Variants in CCDC7 observed in about 807,000 individuals in gnomAD.
The protein encoded by CCDC7 is coiled-coil domain containing 7.
Under a neutral mutation model 196.9 loss-of-function variants are expected in CCDC7, and 183 were observed. The ratio of observed to expected loss-of-function variants is 0.93; its 90% CI spans 0.82 to 1.05. CCDC7 has a LOEUF of 1.05. CCDC7 is among the 50% of genes least tolerant of loss of function. CCDC7 has a pLI of 0.00. For missense variants in CCDC7, 1,540 were observed against 1,482.2 expected (o/e 1.04, Z -0.64); for synonymous variants, 525 against 484.6 (o/e 1.08, Z -1.10).
intron 11 of CCDC7, among the ~76,000 whole-genome samples, chr10:32,538,559 G>T (rs1426909113): frequency 1.3e-5 from 2 of 152,124 alleles, no homozygotes; most frequent in African/African-American, 4.8e-5. Flanking sequence ...TTTGTCTTGT[G>T]CTGGTTTTCA....
intron 25 of CCDC7, among the ~76,000 whole-genome samples, chr10:32,724,561 G>T (rs1355837023): frequency 6.6e-6 from 1 of 152,016 alleles, no homozygotes; most frequent in Non-Finnish European, 1.5e-5. Context: ...ATTTAAAAAT[G>T]GGGGGATCAT....
chr10:32,518,488 A>G, exon 11 of CCDC7: 1 of 1,607,772 alleles, frequency 6.2e-7, no homozygotes, highest in Non-Finnish European at 8.5e-7. Context: ...TGAACTACAA[A>G]AGTTGAAGGA....
intron 20 of CCDC7, among the ~76,000 whole-genome samples, chr10:32,658,537 C>T (rs2140314203): frequency 6.6e-6 from 1 of 152,262 alleles, no homozygotes; most frequent in African/African-American, 2.4e-5. Flanking sequence ...CTGGGTCCCT[C>T]CCATGACACA....
chr10:32,584,205 T>A, intron 17 of CCDC7, 27 bp from the exon 19 acceptor site: 1 of 1,346,280 alleles, frequency 7.4e-7, no homozygotes, highest in East Asian at 2.4e-5. Context: ...TAATTTCTAA[T>A]TACTTATTAC....
At chr10:32,475,726 C>A (rs901692582) in intron 8 of CCDC7, among the ~76,000 whole-genome samples, 2 of 151,998 alleles carry the variant, frequency 1.3e-5, no homozygotes, top group Non-Finnish European at 2.9e-5. Context: ...TTAAAAGTAC[C>A]TCCTGTCTTC....
chr10:32,817,004 G>A (rs190246198), intron 31 of CCDC7, among the ~76,000 whole-genome samples: 3 of 152,332 alleles, frequency 2.0e-5, no homozygotes, highest in African/African-American at 7.2e-5. Flanking sequence ...TTGATGAGTT[G>A]AGAGAAGAAG....
intron 13 of CCDC7, 91 bp from the exon 15 acceptor site, chr10:32,565,467 A>T (rs1029997253): frequency 7.7e-7 from 1 of 1,301,642 alleles, no homozygotes; most frequent in Non-Finnish European, 1.1e-6. Flanking sequence ...TATCTTGGGT[A>T]TCTATGGGTT....
intron 11 of CCDC7, among the ~76,000 whole-genome samples, chr10:32,530,868 C>T (rs1025807117): frequency 5.9e-5 from 9 of 151,952 alleles, no homozygotes; most frequent in Non-Finnish European, 1.2e-4. Context: ...CAATTTTTCC[C>T]CATTCAGTAT....
chr10:32,707,885 G>T (rs1455333767), intron 24 of CCDC7, among the ~76,000 whole-genome samples: 1 of 152,126 alleles, frequency 6.6e-6, no homozygotes, highest in Non-Finnish European at 1.5e-5. Flanking sequence ...TCGTGAAAAT[G>T]GCCATACTGC....
chr10:32,594,182 C>T (rs980597557), intron 18 of CCDC7, among the ~76,000 whole-genome samples: 8 of 152,204 alleles, frequency 5.3e-5, no homozygotes, highest in East Asian at 1.9e-4. Flanking sequence ...TATCCATGAG[C>T]ATGGAATGTT....
At chr10:32,738,840 A>G (rs1300718864) in intron 28 of CCDC7, among the ~76,000 whole-genome samples, 4 of 152,102 alleles carry the variant, frequency 2.6e-5, no homozygotes, top group African/African-American at 4.8e-5. Context: ...TCTGACATGT[A>G]TTATATTCCT....
chr10:32,819,815 T>C (rs1248489604), intron 31 of CCDC7, among the ~76,000 whole-genome samples: 1 of 152,122 alleles, frequency 6.6e-6, no homozygotes, highest in African/African-American at 2.4e-5. Flanking sequence ...GGGACATATC[T>C]CAAAATAATA....
intron 9 of CCDC7, chr10:32,513,577 T>G (rs892844976): frequency 6.6e-6 from 1 of 152,144 alleles, no homozygotes; most frequent in African/African-American, 2.4e-5. Context: ...ATATATGTTA[T>G]GAATATGAAC....
chr10:32,747,727 G>T (rs912583356), intron 28 of CCDC7, among the ~76,000 whole-genome samples: 3 of 152,186 alleles, frequency 2.0e-5, no homozygotes, highest in Non-Finnish European at 4.4e-5. Flanking sequence ...TAGTGAGGTT[G>T]TAGAGAAAAG....
intron 30 of CCDC7, among the ~76,000 whole-genome samples, chr10:32,806,074 G>T (rs1051136023): frequency 3.3e-5 from 5 of 152,182 alleles, no homozygotes; most frequent in African/African-American, 1.2e-4. Context: ...ATTCCATGGA[G>T]AAGGATCTGC....
At chr10:32,783,793 A>G (rs1211241783) in intron 29 of CCDC7, among the ~76,000 whole-genome samples, 1 of 152,278 alleles carries the variant, frequency 6.6e-6, no homozygotes, top group East Asian at 1.9e-4. Flanking sequence ...ATATACATAC[A>G]ATGAAATATT....
At chr10:32,601,567 C>T (rs1003635289) in intron 18 of CCDC7, among the ~76,000 whole-genome samples, 10 of 152,076 alleles carry the variant, frequency 6.6e-5, no homozygotes, top group African/African-American at 2.4e-5. Context: ...CTTCCTGGGT[C>T]GAGTGGGGAC....
intron 1 of CCDC7, among the ~76,000 whole-genome samples, chr10:32,452,583 G>A (rs559072940): frequency 6.6e-6 from 1 of 152,230 alleles, no homozygotes; most frequent in Non-Finnish European, 1.5e-5. Context: ...TCAGTCTCCC[G>A]AGTAGCTGGG....
In CCDC7 at chr10:32,564,808, A is replaced by T. The variant is rs1027358769; in HGVS notation, c.1135-750A>T. On this transcript the variant is annotated intron_variant, in intron 13 of 41. Transcript: ENST00000639629. The stretch of plus-strand genomic sequence containing the variant: ...CCTAAAACTTAAAGTATAAAAAAAA[A>T]AAAGAATCTACCTACACTTGGCTGG... Among the ~76,000 whole-genome samples, 7 of 152,222 alleles carry T rather than the reference A, an allele frequency of 4.6e-5. No homozygotes were observed. In the East Asian group the frequency reaches 1.4e-3, roughly 29 times the overall value.
Sources: allele counts gnomAD v4.1 joint callset (sites outside exome capture counted in the v4.1 genomes callset), GRCh38; gene constraint gnomAD v4.1.1; transcripts MANE v1.5; gene names NCBI Gene and HGNC (gene_info 2026-07-23, HGNC 2026-07-21).